Variants in TRAF2 observed in about 807,000 individuals in gnomAD.
The protein encoded by TRAF2 is TNF receptor associated factor 2.
Under a neutral mutation model 55.6 loss-of-function variants are expected in TRAF2, and 6 were observed. The observed-to-expected ratio is 0.11, with a 90% CI of 0.06 to 0.21. The LOEUF (loss-of-function observed/expected upper bound fraction) is 0.21, where lower values mean the gene tolerates loss of function less well. Among genes scored for constraint, TRAF2 ranks in the 10% least tolerant of loss-of-function variants. The pLI is 1.00. For synonymous variants in TRAF2, 329 were observed against 276.3 expected (o/e 1.19, Z -1.89); for missense variants, 561 against 684.5 (o/e 0.82, Z 2.01).
At chr9:136,887,380 G>T (rs1047635747) in intron 1 of TRAF2, among the ~76,000 whole-genome samples, 1 of 152,232 alleles carries the variant, frequency 6.6e-6, no homozygotes, top group Non-Finnish European at 1.5e-5. Flanking sequence ...GAGGCGGCCA[G>T]ATGGGCAGCC....
Position 136,898,792 on chromosome 9 carries a change from G to A in TRAF2, c.52G>A (p.Gly18Ser). 2 of 1,613,702 alleles carry A rather than the reference G, an allele frequency of 1.2e-6. No homozygotes were observed. The highest frequency in any genetic ancestry group is 1.3e-5 in the African/African-American group (1 of 75,044). Residue 18 changes from glycine (G) to serine (S), a missense_variant, in exon 2 of 11, where the codon GGC becomes AGC. Around this residue, in one of 2 missense-constraint regions of TRAF2, gnomAD observed 426 missense variants for 476.8 expected, o/e 0.89. Transcript: ENST00000247668. ...PPGSLELLQP[G>S]FSKTLLGTKL... Reference sequence around the variant, plus strand: ...TGGCTCCCTGGAGTTGCTACAGCCCGGCTTCTCCAAGACCCTCCTGGGGAC... The same window carrying A: ...TGGCTCCCTGGAGTTGCTACAGCCCAGCTTCTCCAAGACCCTCCTGGGGAC...
chr9:136,885,538 T>C (rs907266527), upstream of TRAF2, among the ~76,000 whole-genome samples: 3 of 152,104 alleles, frequency 2.0e-5, no homozygotes, highest in Non-Finnish European at 4.4e-5. Context: ...AGGCCATAGG[T>C]TGTGTTTTCA....
chr9:136,886,583 G>T, intron 1 of TRAF2, 42 bp downstream of exon 1: 1 of 979,540 alleles, frequency 1.0e-6, no homozygotes, highest in South Asian at 4.6e-5. Context: ...GGGCGCGGGC[G>T]CGGGGTCGGG....
rs1217726205 is a variant in TRAF2 at position 136,925,980 on chromosome 9, G to A, written c.*79G>A. On this transcript the variant is annotated 3_prime_UTR_variant, in exon 11 of 11. Transcript: ENST00000247668. Reference sequence around the variant, plus strand: ...GGAGGGGCCACCACGCTGGGCCAGGGTCTCACTGTACAAGTGGGCAGGGGC... The same window carrying A: ...GGAGGGGCCACCACGCTGGGCCAGGATCTCACTGTACAAGTGGGCAGGGGC... 6.5e-7 allele frequency: 1 copy of A among 1,550,262 alleles called. No individual in the cohort carries two copies. Among genetic ancestry groups the A allele is most frequent in the East Asian group, 2.3e-5 (1 of 44,310 alleles).
At chr9:136,917,004 G>A (rs1194624886) in intron 7 of TRAF2, among the ~76,000 whole-genome samples, 2 of 152,100 alleles carry the variant, frequency 1.3e-5, no homozygotes, top group East Asian at 1.9e-4. Flanking sequence ...CTAACCCAGC[G>A]GCTGTCGCTG....
At chr9:136,884,560 A>G (rs1046080323), upstream of TRAF2, among the ~76,000 whole-genome samples, 3 of 62,232 alleles carry the variant, frequency 4.8e-5, no homozygotes, top group African/African-American at 7.8e-5. Context: ...ACACCGTCTC[A>G]AAAAAGAAAA....
At position 136,908,078 on chromosome 9, in the gene TRAF2, C is replaced by T. The variant is rs369603509; in HGVS notation, c.375C>T (p.His125=). 61 of 1,601,330 alleles carry T rather than the reference C, an allele frequency of 3.8e-5. No individual in the cohort carries two copies. The highest frequency in any genetic ancestry group is 1.7e-4 in the Middle Eastern group (1 of 6,058). ...KGTLKEYESC[H]EGRCPLMLTE... ...CCTCCTTTCGTTGCTAGAGCTGCCA[C>T]GAAGGCCGCTGCCCGCTCATGCTGA... Residue 125 remains histidine, a synonymous_variant, in exon 5 of 11, where the codon CAC becomes CAT. Transcript: ENST00000247668.
chr9:136,918,859 C>T (rs1024968874), intron 7 of TRAF2, among the ~76,000 whole-genome samples: 4 of 151,548 alleles, frequency 2.6e-5, no homozygotes, highest in Non-Finnish European at 2.9e-5. Context: ...CTCAGCCTTC[C>T]GGGAAGCTGG....
Position 136,909,485 on chromosome 9 carries a change from G to A in TRAF2, c.529-435G>A, listed in dbSNP as rs564817038. 3.3e-5 allele frequency among the ~76,000 whole-genome samples: 5 copies of A among 152,228 alleles called. No homozygotes were observed. The East Asian group carries it at 9.7e-4, about 29-fold the overall frequency. ...CTTCCCTGTAAACTGTCAGATGGAC[G>A]GGCCTGACCATAGCACATCTGGGGT... On this transcript the variant is annotated intron_variant, in intron 5 of 10. Transcript: ENST00000247668.
intron 1 of TRAF2, among the ~76,000 whole-genome samples, chr9:136,896,474 G>A (rs1849682079): frequency 6.6e-6 from 1 of 152,236 alleles, no homozygotes; most frequent in Admixed American, 6.5e-5. Flanking sequence ...TTGCTGTCCG[G>A]TTGTGTTTCG....
intron 4 of TRAF2, among the ~76,000 whole-genome samples, chr9:136,906,197 G>A (rs1056028168): frequency 6.6e-6 from 1 of 152,174 alleles, no homozygotes; most frequent in African/African-American, 2.4e-5. Flanking sequence ...TCCCAGCTAT[G>A]TGGGTGCTGA....
intron 9 of TRAF2, among the ~76,000 whole-genome samples, chr9:136,921,509 GCC>G (rs1482143054): frequency 6.6e-6 from 1 of 150,782 alleles, no homozygotes; most frequent in Non-Finnish European, 1.5e-5. Flanking sequence ...CTGGCACACA[GCC>G]CTAAAGCAGA....
At chr9:136,911,844 C>CT (rs1304459874) in intron 6 of TRAF2, among the ~76,000 whole-genome samples, 9 of 50,378 alleles carry the variant, frequency 1.8e-4, no homozygotes, top group African/African-American at 1.0e-3. Context: ...TTTCTCTTAT[C>CT]TCTTTTTTTT....
upstream of TRAF2, among the ~76,000 whole-genome samples, chr9:136,885,583 C>CA (rs1849429575): frequency 1.3e-5 from 2 of 152,304 alleles, no homozygotes; most frequent in South Asian, 4.1e-4. Context: ...GCCTGGCCAA[C>CA]ATGGTGAAAC....
At chr9:136,916,718 C>A in intron 7 of TRAF2, 103 bp downstream of exon 7, 2 of 1,162,878 alleles carry the variant, frequency 1.7e-6, no homozygotes, top group Non-Finnish European at 2.5e-6. Flanking sequence ...TGCTCCTCAG[C>A]CACCTCTGCA....
intron 3 of TRAF2, among the ~76,000 whole-genome samples, chr9:136,900,163 C>T (rs1171552787): frequency 7.3e-6 from 1 of 137,020 alleles, no homozygotes; most frequent in African/African-American, 3.1e-5. Context: ...AGTGAGACCC[C>T]TCCTTTAAAA....
intron 1 of TRAF2, among the ~76,000 whole-genome samples, chr9:136,896,033 G>A (rs1217647683): frequency 6.6e-6 from 1 of 152,010 alleles, no homozygotes; most frequent in East Asian, 1.9e-4. Flanking sequence ...CCATGCCCCT[G>A]TCCTTCCTCC....
At chr9:136,913,624 A>G (rs2131317865) in intron 6 of TRAF2, among the ~76,000 whole-genome samples, 1 of 152,234 alleles carries the variant, frequency 6.6e-6, no homozygotes, top group South Asian at 2.1e-4. Context: ...GTGAACTGGA[A>G]TACATTTTTT....
At chr9:136,909,239 G>A (rs1440091597) in intron 5 of TRAF2, among the ~76,000 whole-genome samples, 3 of 11,072 alleles carry the variant, frequency 2.7e-4, no homozygotes, top group Non-Finnish European at 5.2e-4. Context: ...TGAGAATAGC[G>A]CCATGTCTGA....
Sources: gnomAD v4.1 joint callset for allele counts (sites outside exome capture counted in the v4.1 genomes callset) on GRCh38, gnomAD v4.1.1 for gene constraint, gnomAD v4.1.1 regional missense constraint, MANE v1.5 for transcripts, NCBI Gene and HGNC (gene_info 2026-07-23, HGNC 2026-07-21) for gene names.